The following ZFX variants were observed in gnomAD, a reference collection of about 807,000 sequenced individuals.
ZFX encodes the protein zinc finger X-chromosomal protein.
For missense variants in ZFX, 362 were observed against 628.3 expected (o/e 0.58, Z 4.53); for synonymous variants, 196 against 226.8 (o/e 0.86, Z 1.22).
chrX:24,181,290 G>A (rs988405330), intron 5 of ZFX, among the ~76,000 whole-genome samples: 3 of 112,118 alleles, frequency 2.7e-5, no homozygotes, highest in Admixed American at 9.5e-5. Context: ...GTTGTAGGTA[G>A]CGTAGATACA....
intron 5 of ZFX, among the ~76,000 whole-genome samples, chrX:24,185,651 A>G (rs894425344): frequency 8.9e-6 from 1 of 111,881 alleles, no homozygotes; most frequent in African/African-American, 3.3e-5. Context: ...GGGTTTCGTC[A>G]TGTTGGCCAG....
chrX:24,164,936 G>A (rs1933853248), intron 3 of ZFX, among the ~76,000 whole-genome samples: 2 of 101,399 alleles, frequency 2.0e-5, no homozygotes, highest in South Asian at 4.6e-4. Flanking sequence ...GTGAAACTCC[G>A]TCTGAAAAAA....
At chrX:24,186,991 G>A (rs1206341453) in intron 5 of ZFX, among the ~76,000 whole-genome samples, 1 of 111,886 alleles carries the variant, frequency 8.9e-6, no homozygotes, top group Non-Finnish European at 1.9e-5. Context: ...AGGCATTAAC[G>A]ATAAATTTCT....
intron 3 of ZFX, among the ~76,000 whole-genome samples, chrX:24,158,539 A>G (rs776815166): frequency 4.5e-5 from 5 of 112,223 alleles, no homozygotes; most frequent in Non-Finnish European, 7.5e-5. Flanking sequence ...GATAATGGGC[A>G]TCCTTCTCTA....
At chrX:24,153,681 G>A (rs1420357077) in intron 3 of ZFX, among the ~76,000 whole-genome samples, 1 of 111,253 alleles carries the variant, frequency 9.0e-6, no homozygotes, top group Non-Finnish European at 1.9e-5. Flanking sequence ...TCTATGGTGG[G>A]ATTCCCCTTA....
At chrX:24,154,247 C>G (rs1932557329) in intron 3 of ZFX, among the ~76,000 whole-genome samples, 1 of 111,837 alleles carries the variant, frequency 8.9e-6, no homozygotes. Context: ...ATATTTGATT[C>G]ATATCTTTTT....
At chrX:24,164,501 A>G (rs1032172036) in intron 3 of ZFX, among the ~76,000 whole-genome samples, 2 of 112,087 alleles carry the variant, frequency 1.8e-5, no homozygotes, top group African/African-American at 6.5e-5. Context: ...AAAGTAATGT[A>G]TTTAGGAAAA....
intron 3 of ZFX, among the ~76,000 whole-genome samples, chrX:24,164,075 C>T (rs928759425): frequency 3.7e-5 from 4 of 108,264 alleles, no homozygotes; most frequent in African/African-American, 1.4e-4. Flanking sequence ...CTTCCCAACC[C>T]CCTGGAAAAA....
chrX:24,166,852 T>C (rs1226328487), intron 3 of ZFX, among the ~76,000 whole-genome samples: 2 of 112,006 alleles, frequency 1.8e-5, no homozygotes, highest in Non-Finnish European at 3.8e-5. Context: ...GGAAATCAAT[T>C]AATGTCAAAA....
At chrX:24,162,931 A>G (rs1036134290) in intron 3 of ZFX, among the ~76,000 whole-genome samples, 10 of 111,397 alleles carry the variant, frequency 9.0e-5, no homozygotes, top group Non-Finnish European at 1.9e-4. Flanking sequence ...GTTTCATATA[A>G]ATGGAATCCT....
intron 3 of ZFX, among the ~76,000 whole-genome samples, chrX:24,166,575 G>A (rs768481151): frequency 1.8e-5 from 2 of 111,672 alleles, no homozygotes; most frequent in African/African-American, 3.3e-5. Context: ...GTTGATAGTT[G>A]TTGTAACCTT....
upstream of ZFX, chrX:24,149,261 T>C (rs1431568310): frequency 9.1e-6 from 1 of 109,333 alleles, no homozygotes; most frequent in Admixed American, 9.5e-5. Flanking sequence ...GCGGTAGGTC[T>C]CCAGGGAGGC....
chrX:24,168,674 T>C (rs1934255526), intron 3 of ZFX, among the ~76,000 whole-genome samples: 1 of 43,143 alleles, frequency 2.3e-5, no homozygotes, highest in South Asian at 2.6e-3. Flanking sequence ...TTTCTTTCTT[T>C]TTTTTTTTTT....
chrX:24,154,418 A>T (rs1374323395), intron 3 of ZFX, among the ~76,000 whole-genome samples: 2 of 111,808 alleles, frequency 1.8e-5, no homozygotes, highest in African/African-American at 6.5e-5. Context: ...TATCATAACC[A>T]TACCTTATAT....
chrX:24,164,531 A>T (rs1432516294), intron 3 of ZFX, among the ~76,000 whole-genome samples: 2 of 112,099 alleles, frequency 1.8e-5, no homozygotes, highest in Non-Finnish European at 3.8e-5. Flanking sequence ...GTAAGTATGC[A>T]TTCATGTAGG....
chrX:24,177,129 T>TCA (rs1935219475), intron 4 of ZFX, among the ~76,000 whole-genome samples: 1 of 111,027 alleles, frequency 9.0e-6, no homozygotes, highest in Admixed American at 9.6e-5. Flanking sequence ...AGACAGGGTT[T>TCA]CACAGTGTTA....
chrX:24,182,256 T>A (rs889638633), intron 5 of ZFX, among the ~76,000 whole-genome samples: 3 of 110,730 alleles, frequency 2.7e-5, no homozygotes, highest in Non-Finnish European at 5.7e-5. Context: ...CTTTGGTGCT[T>A]TTGAGAGAGT....
chrX:24,187,224 A>G (rs2147789730), intron 5 of ZFX, among the ~76,000 whole-genome samples: 1 of 111,093 alleles, frequency 9.0e-6, no homozygotes, highest in East Asian at 2.8e-4. Context: ...CTCCAAGGTC[A>G]CTCCCAGCAG....
chrX:24,179,444 C>G lies in ZFX; in HGVS notation c.320C>G (p.Ser107Cys). Reference sequence around the variant, plus strand: ...GACTCAGATGTAACTGAAGAAGTTTCTTTAGCACATTGCACAGTCCCAGAT... The same window carrying G: ...GACTCAGATGTAACTGAAGAAGTTTGTTTAGCACATTGCACAGTCCCAGAT... Reference protein sequence around the residue: ...VLDSDVTEEVSLAHCTVPDDV... With the variant: ...VLDSDVTEEVCLAHCTVPDDV... Residue 107 changes from serine to cysteine, a missense_variant, in exon 5 of 10, where the codon TCT becomes TGT. Coordinates refer to ENST00000304543, the MANE Select transcript of ZFX (RefSeq NM_003410.4). The G allele has an allele frequency of 8.3e-7, 1 of 1,211,052 alleles. No individual in the cohort carries two copies. Among genetic ancestry groups the G allele is most frequent in the East Asian group, 3.0e-5 (1 of 33,843 alleles).
Sources: allele counts gnomAD v4.1 joint callset (sites outside exome capture counted in the v4.1 genomes callset), GRCh38; gene constraint gnomAD v4.1.1; transcripts MANE v1.5; gene names NCBI Gene and HGNC (gene_info 2026-07-23, HGNC 2026-07-21).